The following ACSL6 variants were observed in gnomAD, a reference collection of about 807,000 sequenced individuals.
The protein encoded by ACSL6 is acyl-CoA synthetase long chain family member 6.
Under a neutral mutation model 98.2 loss-of-function variants are expected in ACSL6, and 47 were observed. The ratio of observed to expected loss-of-function variants is 0.48; its 90% CI spans 0.38 to 0.61. The LOEUF is 0.61. Ranked by LOEUF, ACSL6 falls within the 20% of genes least tolerant of loss-of-function variation. The pLI, the probability that ACSL6 is intolerant of heterozygous loss-of-function variation, is 0.00. For missense variants in ACSL6, 761 were observed against 913.4 expected (o/e 0.83, Z 2.15); for synonymous variants, 362 against 336.9 (o/e 1.07, Z -0.82).
At chr5:131,988,932 G>A (rs1250939461) in intron 5 of ACSL6, 28 bp from the exon 6 acceptor site, 1 of 1,593,152 alleles carries the variant, frequency 6.3e-7, no homozygotes, top group Non-Finnish European at 8.6e-7. Context: ...GCGGGGGTGG[G>A]GAAGAAGGGG....
intron 2 of ACSL6, 154 bp downstream of exon 2, chr5:131,993,877 C>A: frequency 1.3e-6 from 1 of 747,794 alleles, no homozygotes; most frequent in South Asian, 1.8e-5. Flanking sequence ...AGACCCTGCC[C>A]AAGGCTGCTG....
chr5:131,974,915 TGAGCCA>T lies in ACSL6; in HGVS notation c.1040_1045del (p.Leu347_Ala348del), dbSNP rs1167803881. ...TACCTGGATTACTCTCTCAAACATG[TGAGCCA>T]GAGGCAGGAAGGAGATGAGCACATC... On this transcript the variant is annotated inframe_deletion, in exon 11 of 21. Coordinates refer to ENST00000651883, the MANE Select transcript of ACSL6 (RefSeq NM_001009185.3). 6.2e-7 allele frequency: 1 copy of T among 1,613,958 alleles called. No homozygotes were observed. The highest frequency in any genetic ancestry group is 8.5e-7 in the Non-Finnish European group (1 of 1,180,032).
At chr5:131,992,108 G>A (rs923252890) in intron 2 of ACSL6, among the ~76,000 whole-genome samples, 8 of 152,120 alleles carry the variant, frequency 5.3e-5, no homozygotes, top group South Asian at 2.1e-4. Context: ...GGGGGTTGCC[G>A]GACAGAGTGA....
In ACSL6 at chr5:131,970,122, T is replaced by C. The variant is rs770871461; in HGVS notation, c.1507+6A>G. ...GAGCCAGTCCTATATCTCTAGCCCA[T>C]CCTACCTGAGGTCCAGTCGCCAGGA... is the stretch of plus-strand genomic sequence containing the variant. On this transcript the variant is annotated splice_donor_region_variant and intron_variant, in intron 15 of 20. Transcript: ENST00000651883. The C allele has an allele frequency of 6.2e-7, 1 of 1,614,078 alleles. No individual in the cohort carries two copies. Among genetic ancestry groups the C allele is most frequent in the Non-Finnish European group, 8.5e-7 (1 of 1,179,968 alleles).
Position 131,962,690 on chromosome 5 carries a change from G to A in ACSL6, c.1714-12C>T. ...TTAAGAGTTCCTGCCTGTAGAGTTG[G>A]ACAAACAGCTTTATAAGAACATGGC... On this transcript the variant is annotated splice_polypyrimidine_tract_variant and intron_variant, in intron 17 of 20. Coordinates refer to ENST00000651883, the MANE Select transcript of ACSL6 (RefSeq NM_001009185.3). 6.2e-7 allele frequency: 1 copy of A among 1,613,472 alleles called. No homozygotes were observed. Among genetic ancestry groups the A allele is most frequent in the Non-Finnish European group, 8.5e-7 (1 of 1,179,654 alleles).
chr5:131,982,320 T>G (rs1445563440), intron 9 of ACSL6: 1 of 150,776 alleles, frequency 6.6e-6, no homozygotes, highest in Non-Finnish European at 1.5e-5. Flanking sequence ...ATTTTTTGTA[T>G]TTTTAGTAGA....
intron 9 of ACSL6, among the ~76,000 whole-genome samples, chr5:131,980,047 C>T (rs1216292760): frequency 1.3e-5 from 2 of 152,178 alleles, no homozygotes; most frequent in Non-Finnish European, 2.9e-5. Flanking sequence ...CTCCAGGTGA[C>T]AGCAGCTGCG....
At chr5:131,996,707 C>A (rs569036085) in intron 1 of ACSL6, among the ~76,000 whole-genome samples, 1 of 152,298 alleles carries the variant, frequency 6.6e-6, no homozygotes, top group African/African-American at 2.4e-5. Flanking sequence ...AGAGCACAGC[C>A]CAGATTAGCC....
chr5:131,986,970 TACCCACACACTC>T (rs2126884333), intron 7 of ACSL6, 116 bp from the exon 8 acceptor site: 3 of 913,472 alleles, frequency 3.3e-6, no homozygotes, highest in Non-Finnish European at 1.7e-6. Context: ...CACACACACA[TACCCACACACTC>T]ACACACACAC....
At chr5:132,006,665 C>T (rs958037625) in intron 1 of ACSL6, 3 of 152,230 alleles carry the variant, frequency 2.0e-5, no homozygotes, top group South Asian at 4.1e-4. Flanking sequence ...GTGACTGGAA[C>T]CTTGGAGCTC....
At chr5:131,993,493 A>T (rs1301376316) in intron 2 of ACSL6, 2 of 157,858 alleles carry the variant, frequency 1.3e-5, no homozygotes, top group African/African-American at 4.8e-5. Flanking sequence ...CAAATTTTTA[A>T]AAGGCAAAAA....
At chr5:131,955,081 T>A (rs1450655304) in intron 20 of ACSL6, among the ~76,000 whole-genome samples, 1 of 152,206 alleles carries the variant, frequency 6.6e-6, no homozygotes, top group East Asian at 1.9e-4. Flanking sequence ...CATGGCTGAA[T>A]ACACATTTTG....
At chr5:131,963,819 A>G (rs1409159390) in intron 17 of ACSL6, among the ~76,000 whole-genome samples, 1 of 152,168 alleles carries the variant, frequency 6.6e-6, no homozygotes, top group African/African-American at 2.4e-5. Flanking sequence ...CTCAAAACCC[A>G]GGCTAGACAT....
rs1752592129 is a variant in ACSL6, at chr5:131,959,572, C to G, written c.1995G>C (p.Arg665Ser). Residue 665 changes from arginine to serine, a missense_variant, in exon 20 of 21, where the codon AGG (arginine) becomes AGC (serine). Arg to Ser is a moderately radical substitution (Grantham distance 110). Coordinates refer to ENST00000651883, the MANE Select transcript of ACSL6 (RefSeq NM_001009185.3). ...AATGGAGTCCACTTTCTTTTCCTAA[C>G]CTCACCATATCTTCCAAAATGGCTT... ...LKKAILEDMV[R>S]LGKESGLHSF... is the part of the protein sequence containing the mutation. The G allele has an allele frequency of 1.2e-6, 2 of 1,614,182 alleles. No homozygotes were observed. The highest frequency in any genetic ancestry group is 4.5e-5 in the East Asian group (2 of 44,882).
intron 20 of ACSL6, among the ~76,000 whole-genome samples, chr5:131,956,728 C>T (rs893644685): frequency 2.6e-4 from 39 of 152,184 alleles, no homozygotes; most frequent in African/African-American, 8.9e-4. Flanking sequence ...GATAAAAACA[C>T]ATGTTCATTT....
At chr5:131,985,288 G>T in intron 9 of ACSL6, 119 bp downstream of exon 9, 1 of 1,314,238 alleles carries the variant, frequency 7.6e-7, no homozygotes. Context: ...CTGGAGCCAG[G>T]AACAAGACAA....
At chr5:131,974,866 G>A (rs376057279) in intron 11 of ACSL6, 27 bp downstream of exon 11, 2 of 1,613,954 alleles carry the variant, frequency 1.2e-6, no homozygotes, top group Admixed American at 3.3e-5. Context: ...CCCAGGCAAG[G>A]CCCGGTCAGT....
rs200955783 is a variant in ACSL6, at chr5:131,994,001, C to A, written c.270+30G>T. 5.2e-5 allele frequency: 84 copies of A among 1,605,072 alleles called. No individual in the cohort carries two copies. The East Asian group carries it at 1.4e-3, about 26-fold the overall frequency. On this transcript the variant is annotated intron_variant, in intron 2 of 20. Transcript: ENST00000651883. Reference sequence around the variant, plus strand: ...ATGCCTGTCCTCTGCCCCCTACTTTCCGCAGTGGAACGTCTCCTATCCTGC... The same window carrying A: ...ATGCCTGTCCTCTGCCCCCTACTTTACGCAGTGGAACGTCTCCTATCCTGC...
chr5:131,967,840 T>C, intron 16 of ACSL6, 100 bp downstream of exon 16: 1 of 1,088,096 alleles, frequency 9.2e-7, no homozygotes, highest in Non-Finnish European at 1.4e-6. Flanking sequence ...AAAATGACTT[T>C]ATACACAAGG....
Sources: gnomAD v4.1 joint callset for allele counts (sites outside exome capture counted in the v4.1 genomes callset) on GRCh38, gnomAD v4.1.1 for gene constraint, MANE v1.5 for transcripts, NCBI Gene and HGNC (gene_info 2026-07-23, HGNC 2026-07-21) for gene names.